Variants in RAB3C observed in about 807,000 individuals in gnomAD.
RAB3C encodes RAB3C, member RAS oncogene family, also known as ras-related protein Rab-3C.
A neutral mutation model predicts 26.4 loss-of-function variants in RAB3C; 17 were observed. That is an observed-to-expected ratio of 0.64 (90% CI 0.44 to 0.97). The LOEUF (loss-of-function observed/expected upper bound fraction) is 0.97. RAB3C is among the 50% of genes least tolerant of loss of function. The pLI is 0.00. For synonymous variants in RAB3C, 91 were observed against 95.9 expected (o/e 0.95, Z 0.30); for missense variants, 242 against 281.9 (o/e 0.86, Z 1.01).
intron 3 of RAB3C, among the ~76,000 whole-genome samples, chr5:58,765,001 A>G (rs1405906358): frequency 6.6e-6 from 1 of 152,188 alleles, no homozygotes; most frequent in East Asian, 1.9e-4. Flanking sequence ...TTTTTAAAAG[A>G]CTGATGTATT....
intron 1 of RAB3C, among the ~76,000 whole-genome samples, chr5:58,616,958 A>C (rs1746836733): frequency 6.6e-6 from 1 of 152,138 alleles, no homozygotes; most frequent in Non-Finnish European, 1.5e-5. Context: ...ACCTATATGA[A>C]GTTGAGCAAG....
At chr5:58,757,966 G>A (rs189052054) in intron 3 of RAB3C, among the ~76,000 whole-genome samples, 2 of 144,370 alleles carry the variant, frequency 1.4e-5, no homozygotes, top group Admixed American at 1.4e-4. Flanking sequence ...TTTTGAGACG[G>A]AGTCTCGCTC....
At chr5:58,612,157 G>T (rs530467274) in intron 1 of RAB3C, among the ~76,000 whole-genome samples, 9 of 151,930 alleles carry the variant, frequency 5.9e-5, no homozygotes, top group African/African-American at 1.9e-4. Flanking sequence ...GTTTGAAGTT[G>T]GGTAGCATGA....
chr5:58,669,762 C>A lies in RAB3C; in HGVS notation c.252+51892C>A, dbSNP rs191828911. Among the ~76,000 whole-genome samples, 9 of 152,278 alleles carry A rather than the reference C, an allele frequency of 5.9e-5. No homozygotes were observed. The East Asian group carries it at 1.7e-3, about 29-fold the overall frequency. The stretch of plus-strand genomic sequence containing the variant: ...AATGAATGACTCATGTAAGTGTGAT[C>A]CCAGCTTGATACTAGCACTGAGTCT... On this transcript the variant is annotated intron_variant, in intron 2 of 4. Coordinates refer to ENST00000282878, the MANE Select transcript of RAB3C (RefSeq NM_138453.4).
chr5:58,634,590 G>T (rs556509360), intron 2 of RAB3C, among the ~76,000 whole-genome samples: 52 of 152,072 alleles, frequency 3.4e-4, no homozygotes, highest in Non-Finnish European at 6.9e-4. Context: ...ATTATTTGTG[G>T]CTTAGACCAA....
At chr5:58,774,018 T>C (rs1742077059) in intron 3 of RAB3C, among the ~76,000 whole-genome samples, 1 of 152,066 alleles carries the variant, frequency 6.6e-6, no homozygotes, top group African/African-American at 2.4e-5. Flanking sequence ...TCTACACTCT[T>C]CACATGCTTC....
chr5:58,618,632 G>T (rs976834212), intron 2 of RAB3C, among the ~76,000 whole-genome samples: 17 of 143,338 alleles, frequency 1.2e-4, no homozygotes, highest in Non-Finnish European at 6.1e-5. Flanking sequence ...TATGTGGATA[G>T]CAGGTCCAAG....
intron 3 of RAB3C, among the ~76,000 whole-genome samples, chr5:58,765,927 G>A (rs1307137160): frequency 6.6e-6 from 1 of 152,042 alleles, no homozygotes; most frequent in Admixed American, 6.6e-5. Flanking sequence ...TTGTTTAAAA[G>A]TGTGTAGCAC....
intron 2 of RAB3C, among the ~76,000 whole-genome samples, chr5:58,644,643 A>G (rs180705853): frequency 1.6e-3 from 242 of 152,366 alleles, no homozygotes; most frequent in Non-Finnish European, 3.1e-3. Context: ...AATAGGTTGA[A>G]TCGAGAATCA....
At chr5:58,612,530 A>ATATATATATATATATG (rs1746732713) in intron 1 of RAB3C, among the ~76,000 whole-genome samples, 1 of 69,328 alleles carries the variant, frequency 1.4e-5, no homozygotes, top group Non-Finnish European at 3.3e-5. Context: ...GTATATATAT[A>ATATATATATATATATG]TATATATATA....
At position 58,679,911 on chromosome 5, in the gene RAB3C, G is replaced by T. The variant is rs184702041; in HGVS notation, c.253-46091G>T. On this transcript the variant is annotated intron_variant, in intron 2 of 4. Coordinates refer to ENST00000282878, the MANE Select transcript of RAB3C (RefSeq NM_138453.4). Reference sequence around the variant, plus strand: ...TGTTTGATTTTCAGTGCGGAAATGTGTGCTATGCTCTTTCTTTTAGAGGTT... The same window carrying T: ...TGTTTGATTTTCAGTGCGGAAATGTTTGCTATGCTCTTTCTTTTAGAGGTT... Among the ~76,000 whole-genome samples, 3 of 152,134 alleles carry T rather than the reference G, an allele frequency of 2.0e-5. No homozygotes were observed. In the South Asian group the frequency reaches 6.2e-4, roughly 32 times the overall value.
At chr5:58,606,166 G>A (rs1360352828) in intron 1 of RAB3C, among the ~76,000 whole-genome samples, 1 of 152,170 alleles carries the variant, frequency 6.6e-6, no homozygotes, top group South Asian at 2.1e-4. Flanking sequence ...ATGACAGACT[G>A]TATCTGGAAA....
At chr5:58,616,385 C>T (rs1195670256) in intron 1 of RAB3C, among the ~76,000 whole-genome samples, 1 of 152,078 alleles carries the variant, frequency 6.6e-6, no homozygotes, top group African/African-American at 2.4e-5. Context: ...AACAGAATAA[C>T]AATTGCCAAA....
At chr5:58,805,734 G>C (rs893572889) in intron 3 of RAB3C, among the ~76,000 whole-genome samples, 4 of 152,098 alleles carry the variant, frequency 2.6e-5, no homozygotes, top group Non-Finnish European at 5.9e-5. Context: ...CAGAGGAGTA[G>C]CATGAAATAT....
At chr5:58,793,271 A>G (rs1222624160) in intron 3 of RAB3C, among the ~76,000 whole-genome samples, 2 of 152,142 alleles carry the variant, frequency 1.3e-5, no homozygotes, top group Non-Finnish European at 2.9e-5. Flanking sequence ...TACTTTAAGA[A>G]TTCCTGGCCG....
chr5:58,805,603 A>AAAAAGAG (rs10691454), intron 3 of RAB3C, among the ~76,000 whole-genome samples: 1 of 132,936 alleles, frequency 7.5e-6, no homozygotes, highest in African/African-American at 2.8e-5. Context: ...AAAAAAAAAA[A>AAAAAGAG]AGAGAGAGAG....
At chr5:58,595,887 AAGAG>A (rs1746236895) in intron 1 of RAB3C, among the ~76,000 whole-genome samples, 1 of 152,132 alleles carries the variant, frequency 6.6e-6, no homozygotes, top group Non-Finnish European at 1.5e-5. Flanking sequence ...TTTTGTTGCT[AAGAG>A]AGAGGCCCTT....
intron 1 of RAB3C, among the ~76,000 whole-genome samples, chr5:58,616,592 A>G (rs1746829812): frequency 6.6e-6 from 1 of 152,226 alleles, no homozygotes; most frequent in African/African-American, 2.4e-5. Flanking sequence ...TTGATTGTAG[A>G]GACCATTTTC....
chr5:58,669,290 G>A (rs1432631164), intron 2 of RAB3C, among the ~76,000 whole-genome samples: 1 of 151,966 alleles, frequency 6.6e-6, no homozygotes, highest in Non-Finnish European at 1.5e-5. Context: ...TCCCAAATGT[G>A]GTCACATATG....
Sources: gnomAD v4.1 joint callset for allele counts (sites outside exome capture counted in the v4.1 genomes callset) on GRCh38, gnomAD v4.1.1 for gene constraint, MANE v1.5 for transcripts, NCBI Gene and HGNC (gene_info 2026-07-23, HGNC 2026-07-21) for gene names.